The following NCOA2 variants were observed in gnomAD, a reference collection of about 807,000 sequenced individuals.
NCOA2 encodes the protein nuclear receptor coactivator 2, also known as class E basic helix-loop-helix protein 75.
A neutral mutation model predicts 145.1 loss-of-function variants in NCOA2; 21 were observed. The observed-to-expected ratio is 0.14, with a 90% CI of 0.10 to 0.21. NCOA2 has a LOEUF of 0.21. Among genes scored for constraint, NCOA2 ranks in the 10% least tolerant of loss-of-function variants. The pLI is 1.00. For missense variants in NCOA2, 1,472 were observed against 1,837.6 expected, an observed-to-expected ratio of 0.80 and a Z score of 3.64; for synonymous variants, 619 against 637.5, an observed-to-expected ratio of 0.97 and a Z score of 0.44.
chr8:70,182,769 A>G (rs1815634327), intron 4 of NCOA2, among the ~76,000 whole-genome samples: 1 of 152,218 alleles, frequency 6.6e-6, no homozygotes, highest in South Asian at 2.1e-4. Context: ...TCTTCCTTTT[A>G]TATAATCCAA....
chr8:70,219,772 G>T (rs1819983872), intron 2 of NCOA2, among the ~76,000 whole-genome samples: 1 of 152,124 alleles, frequency 6.6e-6, no homozygotes, highest in African/African-American at 2.4e-5. Flanking sequence ...ATAAATAACA[G>T]AACCTCATGA....
chr8:70,114,542 G>C (rs1404829879), intron 22 of NCOA2, among the ~76,000 whole-genome samples: 1 of 152,084 alleles, frequency 6.6e-6, no homozygotes, highest in African/African-American at 2.4e-5. Context: ...CTAGGTGCTG[G>C]GATATATCCA....
intron 2 of NCOA2, among the ~76,000 whole-genome samples, chr8:70,252,837 ATAAT>A (rs755587380): frequency 2.0e-5 from 3 of 152,224 alleles, no homozygotes; most frequent in Non-Finnish European, 2.9e-5. Flanking sequence ...TCTGAGGCAA[ATAAT>A]TAATTATTCA....
intron 1 of NCOA2, among the ~76,000 whole-genome samples, chr8:70,376,121 A>G (rs2131336925): frequency 6.6e-6 from 1 of 152,320 alleles, no homozygotes; most frequent in Non-Finnish European, 1.5e-5. Context: ...TAAAGAAGAC[A>G]TACATAAAAG....
At chr8:70,443,039 T>C in the NCOA2 span, among the ~76,000 whole-genome samples, 8 of 152,212 alleles carry the variant, frequency 5.3e-5, no homozygotes, top group African/African-American at 2.4e-5. Flanking sequence ...GTAAAACTTT[T>C]AGGCTTCCTC....
At chr8:70,229,416 T>C (rs890389470) in intron 2 of NCOA2, among the ~76,000 whole-genome samples, 5 of 152,226 alleles carry the variant, frequency 3.3e-5, no homozygotes, top group African/African-American at 7.2e-5. Context: ...GCAAAGGTTT[T>C]ATGAATGCCT....
the NCOA2 span, among the ~76,000 whole-genome samples, chr8:70,427,204 C>T: frequency 1.3e-4 from 20 of 152,074 alleles, no homozygotes; most frequent in South Asian, 3.9e-3. Flanking sequence ...TTAAAGTGGC[C>T]TTGAAGTTAG....
chr8:70,450,750 T>C, the NCOA2 span, among the ~76,000 whole-genome samples: 2 of 151,216 alleles, frequency 1.3e-5, no homozygotes, highest in Non-Finnish European at 3.0e-5. Context: ...TGGGTACTTT[T>C]TGTATTTTTA....
chr8:70,184,665 G>A (rs747519885), intron 4 of NCOA2, among the ~76,000 whole-genome samples: 1 of 152,100 alleles, frequency 6.6e-6, no homozygotes, highest in Non-Finnish European at 1.5e-5. Context: ...AAAGCTGAAC[G>A]CCCTAAAGAT....
At chr8:70,281,717 T>C (rs1825898075) in intron 2 of NCOA2, among the ~76,000 whole-genome samples, 1 of 152,186 alleles carries the variant, frequency 6.6e-6, no homozygotes, top group Non-Finnish European at 1.5e-5. Context: ...CAGCAGTCCG[T>C]GGCCAAGGGT....
intron 1 of NCOA2, among the ~76,000 whole-genome samples, chr8:70,327,449 C>G (rs138588165): frequency 3.5e-4 from 53 of 152,156 alleles, no homozygotes; most frequent in African/African-American, 1.3e-3. Context: ...AAGTGAGTAC[C>G]AAAACTGCTT....
chr8:70,238,926 T>C (rs1821883384), intron 2 of NCOA2, among the ~76,000 whole-genome samples: 1 of 152,160 alleles, frequency 6.6e-6, no homozygotes. Context: ...TTTCCCTCCA[T>C]ATCTGCAATC....
At position 70,116,750 on chromosome 8, in the gene NCOA2, C is replaced by T. The variant is rs142975849; in HGVS notation, c.4384-3107G>A. Among the ~76,000 whole-genome samples the T allele has an allele frequency of 9.2e-5, 14 of 152,290 alleles. No individual in the cohort carries two copies. The East Asian group carries it at 2.3e-3, about 25-fold the overall frequency. On this transcript the variant is annotated intron_variant, in intron 22 of 22. Coordinates refer to ENST00000452400, the MANE Select transcript of NCOA2 (RefSeq NM_006540.4). ...CTCTAAAGCAAATGAGTCTCTATGA[C>T]GGACTGTTCTCTGGCCTTAACAATC...
In NCOA2 at chr8:70,291,969, G is replaced by C. The variant is rs990657986; in HGVS notation, c.-20+4775C>G. ...CGGGCGCCTGTAGTCCCAGCTACTCGGGGGCTGAGGCAGGAGAATGGCATG... is the reference window on the plus strand; with the variant it reads ...CGGGCGCCTGTAGTCCCAGCTACTCCGGGGCTGAGGCAGGAGAATGGCATG... On this transcript the variant is annotated intron_variant, in intron 2 of 22. Coordinates refer to ENST00000452400, the MANE Select transcript of NCOA2 (RefSeq NM_006540.4). Among the ~76,000 whole-genome samples, 10 of 151,702 alleles carry C rather than the reference G, an allele frequency of 6.6e-5. No homozygotes were observed. The East Asian group carries it at 2.0e-3, about 30-fold the overall frequency.
intron 9 of NCOA2, among the ~76,000 whole-genome samples, chr8:70,160,696 A>AGAGAGAGAGAGAGAGAGG (rs1331894915): frequency 5.8e-5 from 8 of 138,320 alleles, no homozygotes; most frequent in African/African-American, 2.1e-4. Context: ...AGAGAGAGAG[A>AGAGAGAGAGAGAGAGAGG]GAGAGACTGA....
intron 1 of NCOA2, among the ~76,000 whole-genome samples, chr8:70,366,833 T>C (rs896431707): frequency 2.6e-5 from 4 of 151,882 alleles, no homozygotes; most frequent in African/African-American, 9.7e-5. Flanking sequence ...AGATGGGATC[T>C]CAGAACTCCA....
chr8:70,423,918 G>A, the NCOA2 span, among the ~76,000 whole-genome samples: 3 of 152,108 alleles, frequency 2.0e-5, no homozygotes, highest in Admixed American at 6.6e-5. Flanking sequence ...CTCCGATCTC[G>A]ATCTCTTTTC....
chr8:70,161,404 A>T (rs1812982781), intron 9 of NCOA2, among the ~76,000 whole-genome samples: 1 of 152,232 alleles, frequency 6.6e-6, no homozygotes, highest in African/African-American at 2.4e-5. Flanking sequence ...CTGTCAATGT[A>T]GCATCATTAT....
At chr8:70,231,555 C>T (rs1280956140) in intron 2 of NCOA2, among the ~76,000 whole-genome samples, 2 of 152,144 alleles carry the variant, frequency 1.3e-5, no homozygotes, top group African/African-American at 4.8e-5. Flanking sequence ...GAGGAAAGAC[C>T]CTAGGAGATC....
Sources: gnomAD v4.1 joint callset for allele counts (sites outside exome capture counted in the v4.1 genomes callset) on GRCh38, gnomAD v4.1.1 for gene constraint, MANE v1.5 for transcripts, NCBI Gene and HGNC (gene_info 2026-07-23, HGNC 2026-07-21) for gene names.